ZBTB7A: variants seen among roughly 807,000 people sequenced by gnomAD.
ZBTB7A encodes zinc finger and BTB domain containing 7A.
In ZBTB7A, 7 loss-of-function variants were observed where a neutral mutation model predicts 26.7. The observed-to-expected ratio is 0.26, with a 90% confidence interval of 0.15 to 0.49. The LOEUF is 0.49. ZBTB7A is among the 20% of genes least tolerant of loss of function. The pLI, the probability that ZBTB7A is intolerant of heterozygous loss-of-function variation, is 0.98. For missense variants in ZBTB7A, 617 were observed against 919.5 expected (o/e 0.67, Z 4.25); for synonymous variants, 452 against 441.0 (o/e 1.02, Z -0.31).
At chr19:4,055,626 TC>T in intron 1 of ZBTB7A, 1 of 250,880 alleles carries the variant, frequency 4.0e-6, no homozygotes, top group Middle Eastern at 2.0e-3. Context: ...ATGGAGACCA[TC>T]CTGGCTAACA....
intron 1 of ZBTB7A, among the ~76,000 whole-genome samples, chr19:4,059,129 A>T (rs1332788231): frequency 6.6e-6 from 1 of 152,096 alleles, no homozygotes. Flanking sequence ...GGAGCTCCGG[A>T]TCAGACGGGC....
chr19:4,054,536 C>T lies in ZBTB7A; in HGVS notation c.697G>A (p.Asp233Asn), dbSNP rs537166674. The T allele has an allele frequency of 1.9e-5, 28 of 1,446,868 alleles. No individual in the cohort carries two copies. In the South Asian group the frequency reaches 3.8e-4, roughly 19 times the overall value. 89.6% of individuals were successfully genotyped at this position (1,446,868 alleles called of 1,614,324 possible). Residue 233 changes from aspartate to asparagine, a missense_variant, in exon 2 of 3, where the codon GAC becomes AAC. By Grantham distance (23) the Asp-to-Asn change is conservative (BLOSUM62 1). Transcript: ENST00000322357. The part of the protein sequence containing the change: ...GPPAERPPTG[D>N]GDEGDSNPGL... ...GGGTTGCTGTCGCCCTCGTCCCCGT[C>T]CCCCGTCGGGGGCCGCTCGGCCGGG...
chr19:4,053,752 G>A (rs1204234452), intron 2 of ZBTB7A, among the ~76,000 whole-genome samples: 2 of 151,572 alleles, frequency 1.3e-5, no homozygotes, highest in Admixed American at 1.3e-4. Context: ...GTGCATGTGC[G>A]TATATATGTG....
In ZBTB7A at chr19:4,048,997, G is replaced by A. The variant is rs981933875; in HGVS notation, c.1263-753C>T. ...TCTCCAAAAAAAAAAAAAAAGAGAG[G>A]CAGGGTCTGGCTTTGTCCCCCAGGC... On this transcript the variant is annotated intron_variant, in intron 2 of 2. Transcript: ENST00000322357. The surrounding 1 kb of genome is among the most constrained non-coding windows in gnomAD (Gnocchi z 6.7). Among the ~76,000 whole-genome samples, 1 of 147,768 alleles carries A rather than the reference G, an allele frequency of 6.8e-6. No homozygotes were observed. The highest frequency in any genetic ancestry group is 1.5e-5 in the Non-Finnish European group (1 of 66,810).
At chr19:4,051,952 C>T (rs182893530) in intron 2 of ZBTB7A, among the ~76,000 whole-genome samples, 45 of 152,200 alleles carry the variant, frequency 3.0e-4, no homozygotes, top group Non-Finnish European at 4.9e-4. Flanking sequence ...ACTTACTCAA[C>T]GCCCTGCTGT....
intron 1 of ZBTB7A, among the ~76,000 whole-genome samples, chr19:4,066,426 T>TG (rs911475673): frequency 2.5e-4 from 37 of 147,574 alleles, no homozygotes; most frequent in East Asian, 4.1e-4. Context: ...GCACCCGGGT[T>TG]GGGGGGGGCT....
chr19:4,066,350 C>A (rs968129454), intron 1 of ZBTB7A, among the ~76,000 whole-genome samples: 1 of 150,730 alleles, frequency 6.6e-6, no homozygotes. Context: ...CGGCTCCCCC[C>A]ACCCTCAATG....
At chr19:4,061,261 G>A (rs748514322) in intron 1 of ZBTB7A, among the ~76,000 whole-genome samples, 15 of 152,228 alleles carry the variant, frequency 9.9e-5, no homozygotes, top group Admixed American at 9.8e-4. Context: ...GGGGCCTGAG[G>A]AGGAAGCTGG....
At chr19:4,064,586 A>T (rs1229348403) in intron 1 of ZBTB7A, among the ~76,000 whole-genome samples, 1 of 152,064 alleles carries the variant, frequency 6.6e-6, no homozygotes, top group Non-Finnish European at 1.5e-5. Flanking sequence ...GGTGGTGGGG[A>T]GGCACCCCCA....
chr19:4,047,561 G>A lies in ZBTB7A; in HGVS notation c.*191C>T, dbSNP rs550081783. The A allele has an allele frequency of 1.9e-5, 9 of 470,840 alleles. No individual in the cohort carries two copies. Among genetic ancestry groups the A allele is most frequent in the African/African-American group, 1.6e-4 (8 of 48,726 alleles). The allele number at this position is 470,840 out of a possible 1,614,324, so 29.2% of individuals were successfully genotyped here. A position where few individuals can be genotyped will look rare whatever the true frequency, so the allele number is the denominator to read the frequency against. ...AGGGAGAAAAACGTCAGAAAGGAGG[G>A]AAATCTGAGAAAGCGCTACCCTAGA... On this transcript the variant is annotated 3_prime_UTR_variant, in exon 3 of 3. Coordinates refer to ENST00000322357, the MANE Select transcript of ZBTB7A (RefSeq NM_015898.4).
chr19:4,050,058 G>T (rs180744577), intron 2 of ZBTB7A, among the ~76,000 whole-genome samples: 2 of 152,146 alleles, frequency 1.3e-5, no homozygotes, highest in African/African-American at 4.8e-5. Flanking sequence ...CAAGTAGCTG[G>T]GATTACAGGC....
intron 1 of ZBTB7A, among the ~76,000 whole-genome samples, chr19:4,064,949 C>A (rs2040676635): frequency 6.6e-6 from 1 of 152,098 alleles, no homozygotes; most frequent in African/African-American, 2.4e-5. Context: ...GCCAGCCAGC[C>A]CGGGCAGCGC....
intron 2 of ZBTB7A, among the ~76,000 whole-genome samples, chr19:4,051,576 A>T (rs1269431119): frequency 6.6e-6 from 1 of 152,042 alleles, no homozygotes; most frequent in African/African-American, 2.4e-5. Flanking sequence ...TTGCTGCCCC[A>T]CTGAAGCCAA....
At position 4,053,172 on chromosome 19, in the gene ZBTB7A, C is replaced by A. The variant is rs114268767; in HGVS notation, c.1262+799G>T. The stretch of plus-strand genomic sequence containing the variant: ...AAGGAAGAACGACTGTGCCTTCCCG[C>A]CCACCTCCCGCAGCTCAACCCTGTC... On this transcript the variant is annotated intron_variant, in intron 2 of 2. Transcript: ENST00000322357. Among the ~76,000 whole-genome samples, 652 of 152,346 alleles carry A rather than the reference C, an allele frequency of 4.3e-3. 6 individuals carry two copies. The highest frequency in any genetic ancestry group is 0.014 in the African/African-American group (601 of 41,572).
rs1199965484 is a variant in ZBTB7A, at chr19:4,047,952, C to T, written c.1555G>A (p.Gly519Ser). The T allele has an allele frequency of 1.7e-5, 22 of 1,283,056 alleles. No homozygotes were observed. Among genetic ancestry groups the T allele is most frequent in the African/African-American group, 3.2e-5 (2 of 62,946 alleles). 79.5% of individuals were successfully genotyped at this position (1,283,056 alleles called of 1,614,324 possible). ...DPSPGATATPGAPAQPSSPDA... is the reference protein window; with the variant it reads ...DPSPGATATPSAPAQPSSPDA... ...GGGGAGCTGGGCTGGGCGGGGGCGC[C>T]GGGGGTCGCGGTGGCCCCCGGGCTG... The change falls in exon 3 of 3, where the codon GGC becomes AGC. Residue 519 changes from glycine to serine, a missense_variant. Around this residue, in one of 5 missense-constraint regions of ZBTB7A, gnomAD observed 136 missense variants for 126.6 expected, o/e 1.07. Transcript: ENST00000322357.
chr19:4,054,349 C>A lies in ZBTB7A; in HGVS notation c.884G>T (p.Gly295Val). The change falls in exon 2 of 3, where the codon GGC becomes GTC. Residue 295 changes from glycine (G) to valine (V), a missense_variant. Gly to Val is a moderately radical substitution (Grantham distance 109). This residue lies in a region of ZBTB7A where 331 missense variants were observed against 391.3 expected (regional missense o/e 0.85). Transcript: ENST00000322357. ...GCCCTCGGCCGCTCCCGACAGGAAG[C>A]CCGGAGAGTCGCCCGGCTCGGGGGC... is the stretch of plus-strand genomic sequence containing the variant. The part of the protein sequence containing the change: ...EAAPEPGDSP[G>V]FLSGAAEGED... 1 of 1,488,708 alleles carries A rather than the reference C, an allele frequency of 6.7e-7. No individual in the cohort carries two copies. The highest frequency in any genetic ancestry group is 8.9e-7 in the Non-Finnish European group (1 of 1,128,908). The allele number at this position is 1,488,708 out of a possible 1,614,324, so 92.2% of individuals were successfully genotyped here.
Position 4,049,162 on chromosome 19 carries a change from G to GTATATATATA in ZBTB7A, c.1263-919_1263-918insTATATATATA, listed in dbSNP as rs1253863952. 1.1e-3 allele frequency among the ~76,000 whole-genome samples: 20 copies of GTATATATATA among 18,412 alleles called. 1 individual carries two copies. Among genetic ancestry groups the GTATATATATA allele is most frequent in the African/African-American group, 1.8e-3 (18 of 10,040 alleles). 12.1% of individuals were successfully genotyped at this position (18,412 alleles called of 152,430 possible). On this transcript the variant is annotated intron_variant, in intron 2 of 2. Coordinates refer to ENST00000322357, the MANE Select transcript of ZBTB7A (RefSeq NM_015898.4). ...TATTAAACTATATGTGTGTGTGTGT[G>GTATATATATA]TGTGTGTATATATATATATATATAT... is the stretch of plus-strand genomic sequence containing the variant.
rs181048912 is a variant in ZBTB7A at position 4,056,685 on chromosome 19, C to A, written c.-15-1438G>T. Among the ~76,000 whole-genome samples, 12 of 152,212 alleles carry A rather than the reference C, an allele frequency of 7.9e-5. No individual in the cohort carries two copies. The East Asian group carries it at 1.9e-3, about 24-fold the overall frequency. ...GAGATCGAGACCATCCTGGCTGACACAGTGAAACTCTGTCTCTACTAAAAA... is the reference window on the plus strand; with the variant it reads ...GAGATCGAGACCATCCTGGCTGACAAAGTGAAACTCTGTCTCTACTAAAAA... On this transcript the variant is annotated intron_variant, in intron 1 of 2. Transcript: ENST00000322357.
intron 1 of ZBTB7A, among the ~76,000 whole-genome samples, chr19:4,058,977 C>T (rs2040612083): frequency 1.3e-5 from 2 of 152,176 alleles, no homozygotes; most frequent in Non-Finnish European, 2.9e-5. Flanking sequence ...GATGTGGCTG[C>T]TGGGAGCAGG....
Sources: allele counts gnomAD v4.1 joint callset (sites outside exome capture counted in the v4.1 genomes callset), GRCh38; gene constraint gnomAD v4.1.1; regional missense constraint gnomAD v4.1.1; non-coding constraint Gnocchi (gnomAD v3.1); transcripts MANE v1.5; gene names NCBI Gene and HGNC (gene_info 2026-07-23, HGNC 2026-07-21).